Variants in TINAGL1 observed in about 807,000 individuals in gnomAD.
TINAGL1 encodes the protein tubulointerstitial nephritis antigen like 1.
In TINAGL1, 34 loss-of-function variants were observed where a neutral mutation model predicts 62.0. That is an observed-to-expected ratio of 0.55 (90% confidence interval 0.42 to 0.73). The LOEUF is 0.73. Among genes scored for constraint, TINAGL1 ranks in the 30% least tolerant of loss-of-function variants. The pLI, the probability that TINAGL1 is intolerant of heterozygous loss-of-function variation, is 0.00. For missense variants in TINAGL1, 516 were observed against 653.2 expected, an observed-to-expected ratio of 0.79 and a Z score of 2.29; for synonymous variants, 221 against 249.7, an observed-to-expected ratio of 0.88 and a Z score of 1.08.
rs1486262107 is a variant in TINAGL1, at chr1:31,584,183, G to A, written c.583-495G>A. 5.8e-6 allele frequency: 1 copy of A among 171,202 alleles called. No individual in the cohort carries two copies. Among genetic ancestry groups the A allele is most frequent in the Non-Finnish European group, 1.3e-5 (1 of 78,366 alleles). 10.6% of individuals were successfully genotyped at this position (171,202 alleles called of 1,614,324 possible). On this transcript the variant is annotated intron_variant, in intron 5 of 11. Coordinates refer to ENST00000271064, the MANE Select transcript of TINAGL1 (RefSeq NM_022164.3). The surrounding 1 kb of genome is among the most constrained non-coding windows in gnomAD (Gnocchi z 4.0). ...CTCCCTGCGGAGACTTCGGCCTTGG[G>A]TGACCAGACCCTGGCCCTGCCCTTA... is the stretch of plus-strand genomic sequence containing the variant.
rs913180473 is a variant in TINAGL1 at position 31,586,946 on chromosome 1, C to T, written c.1371C>T (p.Gly457=). ...DIESFVLGVW[G]RVGMEDMGHH ...AGAGCTTCGTGCTGGGCGTCTGGGG[C>T]CGCGTGGGCATGGAGGACATGGGTC... The change falls in exon 12 of 12, where the codon GGC becomes GGT. Residue 457 remains glycine (G), a synonymous_variant. Transcript: ENST00000271064. The T allele has an allele frequency of 2.0e-6, 3 of 1,532,982 alleles. No individual in the cohort carries two copies. The highest frequency in any genetic ancestry group is 2.8e-5 in the African/African-American group (2 of 72,366). The allele number at this position is 1,532,982 out of a possible 1,614,324, so 95.0% of individuals were successfully genotyped here.
Position 31,583,717 on chromosome 1 carries a change from C to T in TINAGL1, c.582+142C>T. On this transcript the variant is annotated intron_variant, in intron 5 of 11. Coordinates refer to ENST00000271064, the MANE Select transcript of TINAGL1 (RefSeq NM_022164.3). This position sits in a 1 kb window ranked among gnomAD's most constrained non-coding sequence, Gnocchi z 4.4. Reference sequence around the variant, plus strand: ...TGTCCCTGGACAAGTTACTCCCCTTCTCTGGGCCTCTGTTCCCTGCTTCCA... The same window carrying T: ...TGTCCCTGGACAAGTTACTCCCCTTTTCTGGGCCTCTGTTCCCTGCTTCCA... 1 of 679,320 alleles carries T rather than the reference C, an allele frequency of 1.5e-6. No individual in the cohort carries two copies. Among genetic ancestry groups the T allele is most frequent in the Non-Finnish European group, 2.5e-6 (1 of 392,938 alleles). The allele number at this position is 679,320 out of a possible 1,614,324, so 42.1% of individuals were successfully genotyped here.
intron 3 of TINAGL1, among the ~76,000 whole-genome samples, chr1:31,581,340 C>T (rs1303421770): frequency 1.3e-5 from 2 of 152,052 alleles, no homozygotes; most frequent in Non-Finnish European, 2.9e-5. Flanking sequence ...TAAGGCAGTG[C>T]CGGGGTCCAG....
intron 2 of TINAGL1, among the ~76,000 whole-genome samples, chr1:31,578,826 G>GGT (rs74193742): frequency 1.6e-5 from 2 of 122,236 alleles, no homozygotes; most frequent in Admixed American, 8.6e-5. Context: ...AGTGAGAGCT[G>GGT]GTGTGTGTGT....
In TINAGL1 at chr1:31,583,416, G is replaced by C. The variant is rs1639298956; in HGVS notation, c.468-45G>C. ...CACATGCACCCACGCCAAGGACCCT[G>C]AGCCTCGGCAGATCTGTGACTTCCT... On this transcript the variant is annotated intron_variant, in intron 4 of 11. Transcript: ENST00000271064. This position sits in a 1 kb window ranked among gnomAD's most constrained non-coding sequence, Gnocchi z 4.4. 6 of 1,584,198 alleles carry C rather than the reference G, an allele frequency of 3.8e-6. No homozygotes were observed. The highest frequency in any genetic ancestry group is 1.3e-5 in the African/African-American group (1 of 74,256).
Position 31,585,510 on chromosome 1 carries a change from G to A in TINAGL1, c.1093+25G>A. On this transcript the variant is annotated intron_variant, in intron 9 of 11. Coordinates refer to ENST00000271064, the MANE Select transcript of TINAGL1 (RefSeq NM_022164.3). This position sits in a 1 kb window ranked among gnomAD's most constrained non-coding sequence, Gnocchi z 4.3. Reference sequence around the variant, plus strand: ...GGTAAACCCCCTTATCCAGCACCCTGGTTCCAGAAGCTTGTGCCTGCTTGA... The same window carrying A: ...GGTAAACCCCCTTATCCAGCACCCTAGTTCCAGAAGCTTGTGCCTGCTTGA... 6.2e-7 allele frequency: 1 copy of A among 1,613,604 alleles called. No homozygotes were observed. The highest frequency in any genetic ancestry group is 8.5e-7 in the Non-Finnish European group (1 of 1,179,762).
At position 31,577,272 on chromosome 1, in the gene TINAGL1, G is replaced by A. The variant is rs1414977591; in HGVS notation, c.124G>A (p.Asp42Asn). 1 of 1,612,144 alleles carries A rather than the reference G, an allele frequency of 6.2e-7. No homozygotes were observed. ...APGLHLRGIR[D>N]AGGRYCQEQD... ...GGGTCTGCACCTGCGGGGCATCCGG[G>A]ACGCGGGAGGCCGGTACTGCCAGGA... is the stretch of plus-strand genomic sequence containing the variant. The change falls in exon 2 of 12, where the codon GAC becomes AAC. Residue 42 changes from aspartate (D) to asparagine (N), a missense_variant. Coordinates refer to ENST00000271064, the MANE Select transcript of TINAGL1 (RefSeq NM_022164.3). The surrounding 1 kb of genome is among the most constrained non-coding windows in gnomAD (Gnocchi z 5.4).
chr1:31,580,213 G>C (rs61778628), intron 3 of TINAGL1: 206,105 of 531,922 alleles, frequency 0.39, 10,061 homozygotes, highest in Non-Finnish European at 0.42. Flanking sequence ...CTCTCTCTCT[G>C]TCTCTCTCTC....
At chr1:31,586,428 G>C in intron 10 of TINAGL1, 2 of 567,768 alleles carry the variant, frequency 3.5e-6, no homozygotes, top group South Asian at 4.2e-5. Flanking sequence ...CTGGCCCCTA[G>C]GAGGTGGGTC....
chr1:31,587,061 G>A lies in TINAGL1; in HGVS notation c.*82G>A. 7.3e-7 allele frequency: 1 copy of A among 1,361,520 alleles called. No individual in the cohort carries two copies. The highest frequency in any genetic ancestry group is 1.9e-5 in the South Asian group (1 of 53,688). 84.3% of individuals were successfully genotyped at this position (1,361,520 alleles called of 1,614,324 possible). Reference sequence around the variant, plus strand: ...AGGCCCCAATGGGGCGGTGACCCCAGCCTCGCCCGACAGAGCCCGGGGCGC... The same window carrying A: ...AGGCCCCAATGGGGCGGTGACCCCAACCTCGCCCGACAGAGCCCGGGGCGC... On this transcript the variant is annotated 3_prime_UTR_variant, in exon 12 of 12. Transcript: ENST00000271064.
Position 31,585,694 on chromosome 1 carries a change from C to G in TINAGL1, c.1094-59C>G. The G allele has an allele frequency of 6.3e-7, 1 of 1,581,302 alleles. No individual in the cohort carries two copies. Among genetic ancestry groups the G allele is most frequent in the Non-Finnish European group, 8.6e-7 (1 of 1,162,816 alleles). On this transcript the variant is annotated intron_variant, in intron 9 of 11. Coordinates refer to ENST00000271064, the MANE Select transcript of TINAGL1 (RefSeq NM_022164.3). This position sits in a 1 kb window ranked among gnomAD's most constrained non-coding sequence, Gnocchi z 4.3. ...GTGCCTGGGCACATCTCAATAGACT[C>G]AGGCTCCAGTGCCTGTGCCAACGGG...
chr1:31,577,452 A>AG lies in TINAGL1; in HGVS notation c.304_305insG (p.Ile102SerfsTer22). 2 of 1,608,254 alleles carry AG rather than the reference A, an allele frequency of 1.2e-6. No individual in the cohort carries two copies. Among genetic ancestry groups the AG allele is most frequent in the Non-Finnish European group, 1.7e-6 (2 of 1,176,742 alleles). ...CGGCGTGCCACCCCCTTTTCCCCCG[A>AG]TCCAAGGTGGGCACTAAGATGGCCA... is the stretch of plus-strand genomic sequence containing the variant. On this transcript the variant is annotated frameshift_variant, in exon 2 of 12. Coordinates refer to ENST00000271064, the MANE Select transcript of TINAGL1 (RefSeq NM_022164.3). LOFTEE classifies it high-confidence loss of function. The surrounding 1 kb of genome is among the most constrained non-coding windows in gnomAD (Gnocchi z 5.4).
chr1:31,582,761 A>G (rs1050717011), intron 3 of TINAGL1, among the ~76,000 whole-genome samples: 1 of 152,034 alleles, frequency 6.6e-6, no homozygotes, highest in African/African-American at 2.4e-5. Flanking sequence ...CTGGATCAGC[A>G]TGGGAAAGGA....
In TINAGL1 at chr1:31,583,637, G is replaced by A. The variant is rs1359205998; in HGVS notation, c.582+62G>A. The A allele has an allele frequency of 7.7e-6, 11 of 1,436,966 alleles. No individual in the cohort carries two copies. Among genetic ancestry groups the A allele is most frequent in the African/African-American group, 4.2e-5 (3 of 71,368 alleles). The allele number at this position is 1,436,966 out of a possible 1,614,324, so 89.0% of individuals were successfully genotyped here. A position where few individuals can be genotyped will look rare whatever the true frequency, so the allele number is the denominator to read the frequency against. On this transcript the variant is annotated intron_variant, in intron 5 of 11. Coordinates refer to ENST00000271064, the MANE Select transcript of TINAGL1 (RefSeq NM_022164.3). The surrounding 1 kb of genome is among the most constrained non-coding windows in gnomAD (Gnocchi z 4.4). ...CATGGCTCAGAACCTCAGGGATGCT[G>A]GCCCTGTGCCCTGCTCCTCCAAGGG...
At chr1:31,579,103 GA>G in intron 2 of TINAGL1, 100 bp from the exon 3 acceptor site, 1 of 810,142 alleles carries the variant, frequency 1.2e-6, no homozygotes, top group Non-Finnish European at 2.1e-6. Context: ...GAAAGAGAGA[GA>G]ATCTTGGAAA....
In TINAGL1 at chr1:31,579,287, A is replaced by G; in HGVS notation, c.374+20A>G. The G allele has an allele frequency of 6.2e-7, 1 of 1,611,876 alleles. No homozygotes were observed. The highest frequency in any genetic ancestry group is 8.5e-7 in the Non-Finnish European group (1 of 1,178,050). On this transcript the variant is annotated intron_variant, in intron 3 of 11. Transcript: ENST00000271064. ...CCGTTGGTGAGTGTTTGGAGCTTAG[A>G]GGGGTCTTGCTTTGTGAGCCTGTGG...
At chr1:31,579,880 ACC>A in intron 3 of TINAGL1, 1 of 168,452 alleles carries the variant, frequency 5.9e-6, no homozygotes, top group South Asian at 1.5e-4. Flanking sequence ...GCGGCCCTGC[ACC>A]CACTCCACCC....
At position 31,583,110 on chromosome 1, in the gene TINAGL1, TC is replaced by T. The variant is rs1353851640; in HGVS notation, c.375-34del. 1.3e-6 allele frequency: 2 copies of T among 1,587,920 alleles called. No homozygotes were observed. The highest frequency in any genetic ancestry group is 1.7e-6 in the Non-Finnish European group (2 of 1,156,378). On this transcript the variant is annotated intron_variant, in intron 3 of 11. Coordinates refer to ENST00000271064, the MANE Select transcript of TINAGL1 (RefSeq NM_022164.3). This position sits in a 1 kb window ranked among gnomAD's most constrained non-coding sequence, Gnocchi z 4.4. ...CCACATTCCTTCAAAGTATCCCCAG[TC>T]CCCCACTTACCCTTTCCTTCTCTCC...
At chr1:31,580,672 T>C (rs772119787) in intron 3 of TINAGL1, 2 of 1,288,326 alleles carry the variant, frequency 1.6e-6, no homozygotes, top group South Asian at 1.2e-5. Flanking sequence ...AAAGGCAACA[T>C]TGGAGGTGGG....
Sources: allele counts gnomAD v4.1 joint callset (sites outside exome capture counted in the v4.1 genomes callset), GRCh38; gene constraint gnomAD v4.1.1; non-coding constraint Gnocchi (gnomAD v3.1); transcripts MANE v1.5; gene names NCBI Gene and HGNC (gene_info 2026-07-23, HGNC 2026-07-21).